APPBP2: variants seen among roughly 807,000 people sequenced by gnomAD.
APPBP2 encodes amyloid beta precursor protein binding protein 2.
In APPBP2, 15 loss-of-function variants were observed where a neutral mutation model predicts 76.0. The ratio of observed to expected loss-of-function variants is 0.20; its 90% CI spans 0.13 to 0.30. APPBP2 has a LOEUF of 0.30. Ranked by LOEUF, APPBP2 falls within the 10% of genes least tolerant of loss-of-function variation. The pLI, the probability that APPBP2 is intolerant of heterozygous loss-of-function variation, is 1.00. For missense variants in APPBP2, 401 were observed against 687.2 expected (o/e 0.58, Z 4.66); for synonymous variants, 222 against 242.2 (o/e 0.92, Z 0.77).
rs768901924 is a variant in APPBP2 at position 60,451,862 on chromosome 17, A to C, written c.1504+18T>G. 4.4e-6 allele frequency: 7 copies of C among 1,586,484 alleles called. No individual in the cohort carries two copies. The highest frequency in any genetic ancestry group is 6.0e-6 in the Non-Finnish European group (7 of 1,166,836). Reference sequence around the variant, plus strand: ...GATTTGTAATCAACTGACTAAAGAAAATTTAAATGTAACATACCAATTGCT... The same window carrying C: ...GATTTGTAATCAACTGACTAAAGAACATTTAAATGTAACATACCAATTGCT... On this transcript the variant is annotated intron_variant, in intron 12 of 12. Transcript: ENST00000083182.
intron 9 of APPBP2, among the ~76,000 whole-genome samples, chr17:60,458,819 C>T (rs1163834066): frequency 6.6e-6 from 1 of 150,526 alleles, no homozygotes; most frequent in Non-Finnish European, 1.5e-5. Flanking sequence ...TCTGTCGCCA[C>T]GCTGGAGTGC....
intron 12 of APPBP2, among the ~76,000 whole-genome samples, chr17:60,450,262 C>T (rs2090383070): frequency 6.6e-6 from 1 of 151,508 alleles, no homozygotes; most frequent in Non-Finnish European, 1.5e-5. Context: ...CATGCTGAAA[C>T]ACCGTCTCTA....
chr17:60,494,400 CTT>C, intron 3 of APPBP2, 64 bp downstream of exon 3: 3 of 1,557,742 alleles, frequency 1.9e-6, no homozygotes, highest in Non-Finnish European at 2.6e-6. Context: ...TGGAAGAATT[CTT>C]TGTTAGCAGA....
chr17:60,465,513 C>T (rs1277653801), intron 5 of APPBP2, among the ~76,000 whole-genome samples: 2 of 152,130 alleles, frequency 1.3e-5, no homozygotes, highest in Non-Finnish European at 2.9e-5. Flanking sequence ...CACGAATGTG[C>T]TGAGAGCTGC....
intron 9 of APPBP2, among the ~76,000 whole-genome samples, chr17:60,457,997 T>TTC (rs10648197): frequency 0.19 from 29,640 of 152,110 alleles, 9,616 homozygotes; most frequent in African/African-American, 0.67. Context: ...TCAATTTATG[T>TTC]TCTCTCTACG....
chr17:60,495,427 TTTTA>T lies in APPBP2; in HGVS notation c.228-814_228-811del, dbSNP rs1555634440. On this transcript the variant is annotated intron_variant, in intron 2 of 12. Coordinates refer to ENST00000083182, the MANE Select transcript of APPBP2 (RefSeq NM_006380.5). The stretch of plus-strand genomic sequence containing the variant: ...ACACCCAATAGAATTTTTAAAAATA[TTTTA>T]TTTATTTATTATTTATTTATTTATT... Among the ~76,000 whole-genome samples, 498 of 129,406 alleles carry T rather than the reference TTTTA, an allele frequency of 3.8e-3. 2 individuals are homozygous for T. Among genetic ancestry groups the T allele is most frequent in the East Asian group, 6.0e-3 (30 of 5,014 alleles). The allele number at this position is 129,406 out of a possible 152,430, so 84.9% of individuals were successfully genotyped here.
At chr17:60,482,704 T>G (rs56109827) in intron 3 of APPBP2, among the ~76,000 whole-genome samples, 3 of 152,202 alleles carry the variant, frequency 2.0e-5, no homozygotes, top group African/African-American at 7.2e-5. Flanking sequence ...GTCCTTGTGA[T>G]AGTTTGCTCA....
chr17:60,449,778 T>C (rs1051191670), intron 12 of APPBP2, among the ~76,000 whole-genome samples: 8 of 152,148 alleles, frequency 5.3e-5, no homozygotes, highest in Admixed American at 3.3e-4. Flanking sequence ...AATATCTTTA[T>C]TACTTTGGGT....
In APPBP2 at chr17:60,447,236, T is replaced by C. The variant is rs1425341431; in HGVS notation, c.*345A>G. 1 of 188,612 alleles carries C rather than the reference T, an allele frequency of 5.3e-6. No individual in the cohort carries two copies. The highest frequency in any genetic ancestry group is 2.3e-5 in the African/African-American group (1 of 42,592). The allele number at this position is 188,612 out of a possible 1,614,324, so 11.7% of individuals were successfully genotyped here. On this transcript the variant is annotated 3_prime_UTR_variant, in exon 13 of 13. Coordinates refer to ENST00000083182, the MANE Select transcript of APPBP2 (RefSeq NM_006380.5). ...CCTTACATAATAAGAATGCAACTCT[T>C]TTAAACTCTTAAATAGTTTTATTTA...
At chr17:60,472,600 G>T (rs913561246) in intron 4 of APPBP2, among the ~76,000 whole-genome samples, 10 of 152,184 alleles carry the variant, frequency 6.6e-5, no homozygotes, top group African/African-American at 2.4e-4. Context: ...GAGGACATCA[G>T]TGTGAGAGTG....
rs1022680525 is a variant in APPBP2, at chr17:60,447,370, C to T, written c.*211G>A. 5 of 428,904 alleles carry T rather than the reference C, an allele frequency of 1.2e-5. No individual in the cohort carries two copies. The highest frequency in any genetic ancestry group is 3.5e-5 in the East Asian group (1 of 28,358). 26.6% of individuals were successfully genotyped at this position (428,904 alleles called of 1,614,324 possible). A position where few individuals can be genotyped will look rare whatever the true frequency, so the allele number is the denominator to read the frequency against. On this transcript the variant is annotated 3_prime_UTR_variant, in exon 13 of 13. Coordinates refer to ENST00000083182, the MANE Select transcript of APPBP2 (RefSeq NM_006380.5). Reference sequence around the variant, plus strand: ...TAGGTTGAAAATGTGGGCCAGACTACTTACACATGCGGTACATGCTGAATA... The same window carrying T: ...TAGGTTGAAAATGTGGGCCAGACTATTTACACATGCGGTACATGCTGAATA...
At chr17:60,466,172 T>C in intron 5 of APPBP2, 119 bp downstream of exon 5, 4 of 997,828 alleles carry the variant, frequency 4.0e-6, no homozygotes. Flanking sequence ...GTGTACTGCC[T>C]TATATAAACC....
At chr17:60,483,405 T>G (rs2090647045) in intron 3 of APPBP2, among the ~76,000 whole-genome samples, 1 of 152,208 alleles carries the variant, frequency 6.6e-6, no homozygotes, top group Non-Finnish European at 1.5e-5. Flanking sequence ...ACAGTTTCTT[T>G]TTTTTTGAGA....
At chr17:60,486,285 T>A (rs1010694386) in intron 3 of APPBP2, among the ~76,000 whole-genome samples, 1 of 152,188 alleles carries the variant, frequency 6.6e-6, no homozygotes, top group Non-Finnish European at 1.5e-5. Flanking sequence ...CTGTCTAATA[T>A]TGACAGTGGG....
chr17:60,454,224 G>A, intron 11 of APPBP2, 78 bp downstream of exon 11: 1 of 1,082,888 alleles, frequency 9.2e-7, no homozygotes, highest in Non-Finnish European at 1.3e-6. Context: ...TAATTTATTT[G>A]AGCTTACTTA....
intron 1 of APPBP2, among the ~76,000 whole-genome samples, chr17:60,503,159 C>T (rs541617970): frequency 9.7e-5 from 14 of 144,728 alleles, no homozygotes; most frequent in Admixed American, 1.3e-4. Flanking sequence ...ACTACCGGCG[C>T]GGGATACCAC....
At chr17:60,521,686 G>C (rs1235178744) in intron 1 of APPBP2, among the ~76,000 whole-genome samples, 1 of 152,054 alleles carries the variant, frequency 6.6e-6, no homozygotes, top group Non-Finnish European at 1.5e-5. Context: ...CTAAGAGCTG[G>C]GATTACAGGC....
intron 1 of APPBP2, among the ~76,000 whole-genome samples, chr17:60,516,548 A>T (rs923435029): frequency 6.6e-6 from 1 of 152,180 alleles, no homozygotes; most frequent in African/African-American, 2.4e-5. Context: ...TATTTCAAGT[A>T]GTTGTTGTTC....
chr17:60,518,354 CGTGCGTG>C lies in APPBP2; in HGVS notation c.138+7433_138+7439del, dbSNP rs1567943582. 4.2e-4 allele frequency among the ~76,000 whole-genome samples: 30 copies of C among 71,686 alleles called. 2 individuals carry two copies. The African/African-American group carries it at 4.3e-3, about 10-fold the overall frequency. 47.0% of individuals were successfully genotyped at this position (71,686 alleles called of 152,430 possible). On this transcript the variant is annotated intron_variant, in intron 1 of 12. Coordinates refer to ENST00000083182, the MANE Select transcript of APPBP2 (RefSeq NM_006380.5). ...GAGCTACCATGCCCAGCCGTGTGTG[CGTGCGTG>C]TGTGTGTGTGTGTGTGTGTGTGTGT...
Sources: allele counts gnomAD v4.1 joint callset (sites outside exome capture counted in the v4.1 genomes callset), GRCh38; gene constraint gnomAD v4.1.1; transcripts MANE v1.5; gene names NCBI Gene and HGNC (gene_info 2026-07-23, HGNC 2026-07-21).